The following OSBPL10 variants were observed in gnomAD, a reference collection of about 807,000 sequenced individuals.
OSBPL10 encodes oxysterol-binding protein-related protein 10.
Under a neutral mutation model 81.7 loss-of-function variants are expected in OSBPL10, and 49 were observed. The observed-to-expected ratio is 0.60, with a 90% CI of 0.48 to 0.76. The LOEUF (loss-of-function observed/expected upper bound fraction) is 0.76. Among genes scored for constraint, OSBPL10 ranks in the 30% least tolerant of loss-of-function variants. The pLI is 0.00. For missense variants in OSBPL10, 923 were observed against 987.8 expected (o/e 0.93, Z 0.88); for synonymous variants, 419 against 383.6 (o/e 1.09, Z -1.08).
chr3:31,978,543 C>T (rs1452574622), intron 1 of OSBPL10, among the ~76,000 whole-genome samples: 1 of 152,188 alleles, frequency 6.6e-6, no homozygotes, highest in African/African-American at 2.4e-5. Context: ...ACAGAGTCAT[C>T]GTAATCTTCT....
At chr3:31,884,709 T>A (rs1024217421) in intron 1 of OSBPL10, among the ~76,000 whole-genome samples, 2 of 152,146 alleles carry the variant, frequency 1.3e-5, no homozygotes, top group Admixed American at 1.3e-4. Flanking sequence ...CCAAGTGAAA[T>A]TGTCAGATAA....
chr3:31,668,220 T>C (rs1381525702), intron 10 of OSBPL10, among the ~76,000 whole-genome samples: 1 of 152,214 alleles, frequency 6.6e-6, no homozygotes, highest in Non-Finnish European at 1.5e-5. Flanking sequence ...GGACAGGGTA[T>C]AGAGTGTCAA....
chr3:31,829,484 T>C (rs138325336), intron 4 of OSBPL10, among the ~76,000 whole-genome samples: 8 of 152,334 alleles, frequency 5.3e-5, no homozygotes, highest in Non-Finnish European at 8.8e-5. Flanking sequence ...GCCTGTTTTA[T>C]TTCCATTTTA....
intron 4 of OSBPL10, among the ~76,000 whole-genome samples, chr3:31,811,493 G>A (rs1322395397): frequency 6.6e-6 from 1 of 152,196 alleles, no homozygotes; most frequent in Non-Finnish European, 1.5e-5. Flanking sequence ...GTTCTGGCCT[G>A]GAGCCTGTGC....
intron 3 of OSBPL10, among the ~76,000 whole-genome samples, chr3:31,840,740 T>A (rs1700471980): frequency 6.6e-6 from 1 of 152,238 alleles, no homozygotes; most frequent in African/African-American, 2.4e-5. Flanking sequence ...TGGCTTCTTC[T>A]TTTCTCCTGT....
intron 1 of OSBPL10, among the ~76,000 whole-genome samples, chr3:31,886,673 G>A (rs1447894807): frequency 6.6e-6 from 1 of 152,208 alleles, no homozygotes; most frequent in Non-Finnish European, 1.5e-5. Context: ...CGGATGCGGT[G>A]GATCACGCCT....
At chr3:31,723,942 T>C (rs1377851271) in intron 6 of OSBPL10, among the ~76,000 whole-genome samples, 1 of 152,168 alleles carries the variant, frequency 6.6e-6, no homozygotes, top group Non-Finnish European at 1.5e-5. Flanking sequence ...TCATTTATAC[T>C]GGTATAATTT....
intron 7 of OSBPL10, among the ~76,000 whole-genome samples, chr3:31,692,895 C>T (rs1455915725): frequency 1.3e-5 from 2 of 152,228 alleles, no homozygotes; most frequent in Non-Finnish European, 2.9e-5. Flanking sequence ...ACCATTGTGA[C>T]TGTCACTCTT....
intron 4 of OSBPL10, among the ~76,000 whole-genome samples, chr3:31,756,984 G>A (rs1172278469): frequency 2.0e-5 from 3 of 152,190 alleles, no homozygotes; most frequent in African/African-American, 7.2e-5. Flanking sequence ...GCTGGAGGAG[G>A]TAGCAAGGAG....
At chr3:31,682,820 C>T (rs1700685474) in intron 8 of OSBPL10, among the ~76,000 whole-genome samples, 1 of 152,186 alleles carries the variant, frequency 6.6e-6, no homozygotes, top group African/African-American at 2.4e-5. Flanking sequence ...GCTCCTAAGG[C>T]AATGCCAAGC....
At chr3:31,788,817 A>G (rs1245847487) in intron 4 of OSBPL10, among the ~76,000 whole-genome samples, 1 of 152,182 alleles carries the variant, frequency 6.6e-6, no homozygotes, top group African/African-American at 2.4e-5. Context: ...GCTTTATGGA[A>G]TTATTAAAAC....
intron 3 of OSBPL10, among the ~76,000 whole-genome samples, chr3:31,838,292 T>C (rs1320291873): frequency 6.6e-6 from 1 of 151,908 alleles, no homozygotes; most frequent in Non-Finnish European, 1.5e-5. Context: ...GGGCGGATCA[T>C]GAGGTCAGGA....
chr3:31,767,079 C>T (rs986700577), intron 4 of OSBPL10, among the ~76,000 whole-genome samples: 9 of 152,172 alleles, frequency 5.9e-5, no homozygotes, highest in East Asian at 5.8e-4. Flanking sequence ...CAATTAGCTA[C>T]GTTATACTAC....
At chr3:31,735,852 A>G (rs1347243482) in intron 5 of OSBPL10, among the ~76,000 whole-genome samples, 1 of 152,044 alleles carries the variant, frequency 6.6e-6, no homozygotes, top group South Asian at 2.1e-4. Context: ...TCACTAGCAC[A>G]CTCATTTACT....
At chr3:32,008,495 C>T (rs1699224754) in intron 2 of OSBPL10, among the ~76,000 whole-genome samples, 3 of 151,464 alleles carry the variant, frequency 2.0e-5, no homozygotes, top group African/African-American at 7.3e-5. Context: ...CTTTGAGAGG[C>T]CAAGGTGGGC....
In OSBPL10 at chr3:32,006,236, G is replaced by A. The variant is rs149172236; in HGVS notation, n.298+40255C>T. On this transcript the variant is annotated intron_variant and non_coding_transcript_variant, in intron 2 of 3. Transcript: ENST00000479173. ...GCTGGGATTACAGGCGTGAGCCACC[G>A]CACCCCTCCATCTTGTTTTATTTTG... Among the ~76,000 whole-genome samples the A allele has an allele frequency of 2.8e-3, 422 of 152,270 alleles. 2 individuals carry two copies. Among genetic ancestry groups the A allele is most frequent in the African/African-American group, 9.3e-3 (386 of 41,572 alleles).
At chr3:31,961,007 G>C (rs1405089511) in intron 1 of OSBPL10, among the ~76,000 whole-genome samples, 1 of 149,178 alleles carries the variant, frequency 6.7e-6, no homozygotes, top group Non-Finnish European at 1.5e-5. Context: ...AATTCCCCAA[G>C]GGACCTCCTT....
At chr3:31,948,909 T>C (rs1440716844) in intron 1 of OSBPL10, among the ~76,000 whole-genome samples, 1 of 152,184 alleles carries the variant, frequency 6.6e-6, no homozygotes, top group Non-Finnish European at 1.5e-5. Context: ...GCCAAATAAG[T>C]AAATTCCAGA....
chr3:31,807,750 T>G (rs1699559883), intron 4 of OSBPL10, among the ~76,000 whole-genome samples: 1 of 152,036 alleles, frequency 6.6e-6, no homozygotes, highest in African/African-American at 2.4e-5. Context: ...AAAAGAATTT[T>G]TCTTTTAAAC....
Sources: allele counts gnomAD v4.1 joint callset (sites outside exome capture counted in the v4.1 genomes callset), GRCh38; gene constraint gnomAD v4.1.1; transcripts MANE v1.5; gene names NCBI Gene and HGNC (gene_info 2026-07-23, HGNC 2026-07-21).